VOPP1: variants seen among roughly 807,000 people sequenced by gnomAD.
VOPP1 encodes WW domain binding protein VOPP1.
VOPP1 carries 8 observed loss-of-function variants against 23.5 expected under a neutral mutation model. The observed-to-expected ratio is 0.34, with a 90% confidence interval of 0.20 to 0.61. The LOEUF is 0.61. Among genes scored for constraint, VOPP1 ranks in the 20% least tolerant of loss-of-function variants. VOPP1 has a pLI of 0.78. For synonymous variants in VOPP1, 83 were observed against 97.3 expected, an observed-to-expected ratio of 0.85 and a Z score of 0.86; for missense variants, 174 against 238.1, an observed-to-expected ratio of 0.73 and a Z score of 1.77.
chr7:55,517,610 C>G (rs886277891), intron 2 of VOPP1, among the ~76,000 whole-genome samples: 2 of 152,116 alleles, frequency 1.3e-5, no homozygotes, highest in Non-Finnish European at 2.9e-5. Context: ...CCTTCTCCAC[C>G]AAGGCAGCAG....
At chr7:55,552,747 C>T (rs982566368) in intron 1 of VOPP1, 13 of 1,533,554 alleles carry the variant, frequency 8.5e-6, no homozygotes, top group Non-Finnish European at 1.0e-5. Context: ...TGCCGGCACA[C>T]GGAGTTCACG....
At chr7:55,567,247 T>C (rs1404082539) in intron 1 of VOPP1, among the ~76,000 whole-genome samples, 1 of 152,230 alleles carries the variant, frequency 6.6e-6, no homozygotes, top group East Asian at 1.9e-4. Context: ...TAAGGATATG[T>C]CAATCAATAA....
At chr7:55,498,521 T>C (rs1335813605) in intron 2 of VOPP1, among the ~76,000 whole-genome samples, 2 of 152,176 alleles carry the variant, frequency 1.3e-5, no homozygotes, top group Non-Finnish European at 2.9e-5. Context: ...AGAGAGAAGA[T>C]GCCATGAAAG....
intron 1 of VOPP1, among the ~76,000 whole-genome samples, chr7:55,524,811 G>A (rs559827652): frequency 1.1e-4 from 16 of 152,190 alleles, no homozygotes; most frequent in African/African-American, 1.9e-4. Context: ...GTTGAGAGCC[G>A]GGTGCTGCCA....
rs1220245893 is a variant in VOPP1, at chr7:55,470,844, A to C, written c.*2011T>G. On this transcript the variant is annotated 3_prime_UTR_variant, in exon 5 of 5. Coordinates refer to ENST00000285279, the MANE Select transcript of VOPP1 (RefSeq NM_030796.5). Reference sequence around the variant, plus strand: ...GAAACAAGAATGGCCAGGAAATGTCACCGAAGTGGGACTTCCATATGCAGG... The same window carrying C: ...GAAACAAGAATGGCCAGGAAATGTCCCCGAAGTGGGACTTCCATATGCAGG... 1 of 152,040 alleles carries C rather than the reference A, an allele frequency of 6.6e-6. No homozygotes were observed. Among genetic ancestry groups the C allele is most frequent in the Non-Finnish European group, 1.5e-5 (1 of 67,910 alleles). The allele number at this position is 152,040 out of a possible 1,614,324, so 9.4% of individuals were successfully genotyped here.
At chr7:55,534,402 C>T (rs1796664057) in intron 1 of VOPP1, among the ~76,000 whole-genome samples, 1 of 152,216 alleles carries the variant, frequency 6.6e-6, no homozygotes, top group Admixed American at 6.5e-5. Flanking sequence ...CTCACTTCCC[C>T]TGAAGGGCAG....
chr7:55,552,800 C>T lies in VOPP1; in HGVS notation c.54+19471G>A, dbSNP rs751500120. On this transcript the variant is annotated intron_variant, in intron 1 of 4. Coordinates refer to ENST00000285279, the MANE Select transcript of VOPP1 (RefSeq NM_030796.5). ...GAGCCTGTTCTCCTAGGAAACCTCC[C>T]ATGGGCTGAGTCACTCAGCCATGCT... 656 of 1,496,842 alleles carry T rather than the reference C, an allele frequency of 4.4e-4. 1 individual carries two copies. The highest frequency in any genetic ancestry group is 5.4e-4 in the Non-Finnish European group (606 of 1,128,568). 92.7% of individuals were successfully genotyped at this position (1,496,842 alleles called of 1,614,324 possible).
At chr7:55,499,824 G>T (rs1018105005) in intron 2 of VOPP1, among the ~76,000 whole-genome samples, 5 of 152,158 alleles carry the variant, frequency 3.3e-5, no homozygotes, top group Admixed American at 1.3e-4. Flanking sequence ...GTGTGAGGGG[G>T]AGTGAGACAC....
chr7:55,534,131 CTT>C (rs10669665), intron 1 of VOPP1, among the ~76,000 whole-genome samples: 12 of 140,150 alleles, frequency 8.6e-5, no homozygotes, highest in Non-Finnish European at 1.7e-4. Context: ...TTTCATGTAG[CTT>C]TTTTTTTTTT....
At chr7:55,460,463 G>A (rs538416549) in intron 4 of VOPP1, among the ~76,000 whole-genome samples, 14 of 152,062 alleles carry the variant, frequency 9.2e-5, no homozygotes, top group South Asian at 4.1e-4. Flanking sequence ...TGATTCTTCC[G>A]TCTAGGTGAT....
chr7:55,486,091 C>T (rs1406452751), intron 4 of VOPP1, among the ~76,000 whole-genome samples: 3 of 152,214 alleles, frequency 2.0e-5, no homozygotes, highest in African/African-American at 7.2e-5. Context: ...GGGCCAGAGG[C>T]TCCGGCTCCA....
At chr7:55,545,175 T>C (rs1238164724) in intron 1 of VOPP1, among the ~76,000 whole-genome samples, 1 of 152,252 alleles carries the variant, frequency 6.6e-6, no homozygotes, top group African/African-American at 2.4e-5. Context: ...ACTTTCCATT[T>C]ATATACATAT....
intron 4 of VOPP1, among the ~76,000 whole-genome samples, chr7:55,453,677 A>G (rs754549455): frequency 2.7e-4 from 41 of 152,224 alleles, no homozygotes; most frequent in Non-Finnish European, 4.8e-4. Context: ...ACAGATCACC[A>G]TAACAGTTAT....
chr7:55,447,695 A>G (rs1474950948), intron 4 of VOPP1, among the ~76,000 whole-genome samples: 1 of 152,194 alleles, frequency 6.6e-6, no homozygotes, highest in Non-Finnish European at 1.5e-5. Context: ...ATGTATCTCT[A>G]GTGCAATATT....
intron 4 of VOPP1, among the ~76,000 whole-genome samples, chr7:55,487,684 T>G (rs114229168): frequency 2.0e-5 from 3 of 152,212 alleles, no homozygotes; most frequent in African/African-American, 7.2e-5. Flanking sequence ...TGCACCTTGA[T>G]GGTCTTGCCG....
intron 1 of VOPP1, among the ~76,000 whole-genome samples, chr7:55,557,828 T>C (rs1183197373): frequency 6.6e-6 from 1 of 152,178 alleles, no homozygotes; most frequent in Non-Finnish European, 1.5e-5. Flanking sequence ...TGAGAGGGTG[T>C]GTAGAGCCTC....
intron 4 of VOPP1, among the ~76,000 whole-genome samples, chr7:55,453,957 T>C (rs1791304775): frequency 1.3e-5 from 2 of 152,224 alleles, no homozygotes; most frequent in African/African-American, 4.8e-5. Flanking sequence ...TATTATAAAA[T>C]ATTTTGAACA....
chr7:55,564,094 T>C (rs1007559190), intron 1 of VOPP1, among the ~76,000 whole-genome samples: 2 of 152,200 alleles, frequency 1.3e-5, no homozygotes, highest in Non-Finnish European at 2.9e-5. Flanking sequence ...TTTACACAGC[T>C]GCCCTTAGGC....
At chr7:55,522,628 T>C (rs1337010884) in intron 1 of VOPP1, among the ~76,000 whole-genome samples, 3 of 152,094 alleles carry the variant, frequency 2.0e-5, no homozygotes, top group African/African-American at 7.2e-5. Flanking sequence ...CAAACATTCC[T>C]GGAACCTGAC....
Sources: allele counts gnomAD v4.1 joint callset (sites outside exome capture counted in the v4.1 genomes callset), GRCh38; gene constraint gnomAD v4.1.1; transcripts MANE v1.5; gene names NCBI Gene and HGNC (gene_info 2026-07-23, HGNC 2026-07-21).